Variants in RELN observed in about 807,000 individuals in gnomAD.
The protein encoded by RELN is reelin.
A neutral mutation model predicts 427.6 loss-of-function variants in RELN; 108 were observed. The observed-to-expected ratio is 0.25, with a 90% confidence interval of 0.22 to 0.30. The LOEUF is 0.30. Ranked by LOEUF, RELN falls within the 10% of genes least tolerant of loss-of-function variation. RELN has a pLI of 1.00. For missense variants in RELN, 3,715 were observed against 4,302.8 expected, an observed-to-expected ratio of 0.86 and a Z score of 3.82; for synonymous variants, 1,524 against 1,513.4, an observed-to-expected ratio of 1.01 and a Z score of -0.16.
rs1237960650 is a variant in RELN at position 103,920,683 on chromosome 7, C to T, written c.227-3498G>A. On this transcript the variant is annotated intron_variant, in intron 1 of 64. Coordinates refer to ENST00000428762, the MANE Select transcript of RELN (RefSeq NM_005045.4). ...CCACCTCCTGGGTTCAAGTCATTCT[C>T]GTGCCTCAGCCTCCTGGGTATCTGT... Among the ~76,000 whole-genome samples, 8 of 150,596 alleles carry T rather than the reference C, an allele frequency of 5.3e-5. No individual in the cohort carries two copies. In the East Asian group the frequency reaches 1.6e-3, roughly 30 times the overall value.
chr7:103,539,404 T>A (rs1830127424), intron 44 of RELN, 77 bp from the exon 45 acceptor site: 1 of 1,470,342 alleles, frequency 6.8e-7, no homozygotes, highest in Non-Finnish European at 9.3e-7. Flanking sequence ...TTTCGTTTGT[T>A]TGTTTGTTTG....
chr7:103,676,714 A>G (rs1452529325), intron 11 of RELN, among the ~76,000 whole-genome samples: 1 of 152,212 alleles, frequency 6.6e-6, no homozygotes, highest in African/African-American at 2.4e-5. Flanking sequence ...CAGCCACAAA[A>G]AATGATGAGT....
At chr7:103,885,544 C>T (rs778191766) in intron 2 of RELN, among the ~76,000 whole-genome samples, 1 of 152,052 alleles carries the variant, frequency 6.6e-6, no homozygotes, top group Non-Finnish European at 1.5e-5. Flanking sequence ...ACAATGAGAA[C>T]ACATGGACAC....
chr7:103,961,143 T>C (rs1796545293), intron 1 of RELN, among the ~76,000 whole-genome samples: 1 of 152,234 alleles, frequency 6.6e-6, no homozygotes. Context: ...CCTGTATTCT[T>C]CACTAAGGTA....
At chr7:103,841,389 GTCT>G (rs1229917339) in intron 2 of RELN, among the ~76,000 whole-genome samples, 1 of 152,040 alleles carries the variant, frequency 6.6e-6, no homozygotes, top group African/African-American at 2.4e-5. Context: ...TCAAATATTT[GTCT>G]TCTTTGTCAA....
intron 2 of RELN, among the ~76,000 whole-genome samples, chr7:103,878,302 T>C (rs17133160): frequency 0.13 from 19,326 of 152,178 alleles, 1,487 homozygotes; most frequent in East Asian, 0.34. Context: ...CTGACATTTG[T>C]ACAGCCACTT....
intron 27 of RELN, among the ~76,000 whole-genome samples, chr7:103,593,420 AT>A (rs1384150668): frequency 6.6e-6 from 1 of 152,198 alleles, no homozygotes; most frequent in East Asian, 1.9e-4. Context: ...CTAAAAGTCA[AT>A]TTTATTTTTA....
chr7:103,594,332 T>C lies in RELN; in HGVS notation c.3700A>G (p.Thr1234Ala), dbSNP rs758305250. 2.4e-5 allele frequency: 39 copies of C among 1,613,718 alleles called. No individual in the cohort carries two copies. The highest frequency in any genetic ancestry group is 3.3e-5 in the Admixed American group (2 of 59,976). Reference sequence around the variant, plus strand: ...ACATAGGAGAATACCTGAGGTAAAGTTGGATTGATAACTGGGATGATCTGC... The same window carrying C: ...ACATAGGAGAATACCTGAGGTAAAGCTGGATTGATAACTGGGATGATCTGC... The part of the protein sequence containing the change: ...QKQIIPVINP[T>A]LPQNFYEKPA... The change falls in exon 26 of 65, where the codon ACT becomes GCT. Residue 1234 changes from threonine to alanine, a missense_variant. Around this residue, in one of 4 missense-constraint regions of RELN, gnomAD observed 2,208 missense variants for 2,361.7 expected, o/e 0.93. Coordinates refer to ENST00000428762, the MANE Select transcript of RELN (RefSeq NM_005045.4).
At chr7:103,521,242 G>C (rs929357417) in intron 48 of RELN, among the ~76,000 whole-genome samples, 1 of 150,802 alleles carries the variant, frequency 6.6e-6, no homozygotes, top group African/African-American at 2.4e-5. Context: ...GCCTCCCAAA[G>C]TGCTGGGATT....
chr7:103,513,872 C>T (rs1012778825), intron 50 of RELN: 1 of 151,512 alleles, frequency 6.6e-6, no homozygotes, highest in African/African-American at 2.4e-5. Context: ...GAATATATGC[C>T]AAAATATTGA....
chr7:103,714,379 G>T (rs1375144481), intron 8 of RELN, among the ~76,000 whole-genome samples: 2 of 152,184 alleles, frequency 1.3e-5, no homozygotes, highest in Admixed American at 6.5e-5. Flanking sequence ...TTCAAGACAA[G>T]AGGGAAAATC....
intron 10 of RELN, among the ~76,000 whole-genome samples, chr7:103,694,657 A>C (rs1833939577): frequency 6.6e-6 from 1 of 152,026 alleles, no homozygotes; most frequent in African/African-American, 2.4e-5. Context: ...TTTTATAATT[A>C]AGCATTGCTG....
intron 12 of RELN, among the ~76,000 whole-genome samples, chr7:103,654,691 C>A (rs954319042): frequency 2.0e-5 from 3 of 152,004 alleles, no homozygotes; most frequent in Non-Finnish European, 4.4e-5. Flanking sequence ...ATTATTTGTA[C>A]TTTAAATGCA....
intron 45 of RELN, 144 bp from the exon 46 acceptor site, chr7:103,535,628 T>C (rs1318504268): frequency 1.1e-5 from 8 of 728,914 alleles, no homozygotes. Flanking sequence ...TGCTTTGAAA[T>C]GCTTCCTAGT....
Position 103,891,762 on chromosome 7 carries a change from A to G in RELN, c.337+25313T>C, listed in dbSNP as rs140470265. ...ATTCATTTTTTTCAATAAAAATTGT[A>G]TCACCTATATGACCACATTGAGCTC... On this transcript the variant is annotated intron_variant, in intron 2 of 64. Transcript: ENST00000428762. Among the ~76,000 whole-genome samples, 391 of 152,262 alleles carry G rather than the reference A, an allele frequency of 2.6e-3. 4 individuals are homozygous for G. The highest frequency in any genetic ancestry group is 8.5e-3 in the African/African-American group (355 of 41,544).
chr7:103,832,998 CTTATTGCATATAT>C (rs1793311890), intron 3 of RELN, among the ~76,000 whole-genome samples: 1 of 152,130 alleles, frequency 6.6e-6, no homozygotes, highest in Non-Finnish European at 1.5e-5. Context: ...ATTGATAACA[CTTATTGCATATAT>C]TTATGGAGCA....
At chr7:103,889,934 G>C (rs1024477407) in intron 2 of RELN, among the ~76,000 whole-genome samples, 2 of 152,098 alleles carry the variant, frequency 1.3e-5, no homozygotes, top group African/African-American at 4.8e-5. Flanking sequence ...TGATTTAGTT[G>C]GCAGTTTTAG....
chr7:103,947,788 A>C (rs1308588716), intron 1 of RELN, among the ~76,000 whole-genome samples: 1 of 152,244 alleles, frequency 6.6e-6, no homozygotes. Context: ...ACTCTAGTGC[A>C]TATGTAAATG....
chr7:103,491,844 TCTCTCTCTCTCTCACACACACACA>T, intron 58 of RELN, 85 bp downstream of exon 58: 4 of 628,162 alleles, frequency 6.4e-6, no homozygotes, highest in African/African-American at 4.9e-5. Flanking sequence ...TCTCTCTCTC[TCTCTCTCTCTCTCACACACACACA>T]CACACACACA....
Sources: gnomAD v4.1 joint callset for allele counts (sites outside exome capture counted in the v4.1 genomes callset) on GRCh38, gnomAD v4.1.1 for gene constraint, gnomAD v4.1.1 regional missense constraint, MANE v1.5 for transcripts, NCBI Gene and HGNC (gene_info 2026-07-23, HGNC 2026-07-21) for gene names.